The following RBBP8 variants were observed in gnomAD, a reference collection of about 807,000 sequenced individuals.
RBBP8 encodes the protein DNA endonuclease RBBP8.
Under a neutral mutation model 108.3 loss-of-function variants are expected in RBBP8, and 88 were observed. The observed-to-expected ratio is 0.81, with a 90% CI of 0.68 to 0.97. RBBP8 has a LOEUF of 0.97. RBBP8 is among the 50% of genes least tolerant of loss of function. RBBP8 has a pLI of 0.00. For synonymous variants in RBBP8, 332 were observed against 348.2 expected (o/e 0.95, Z 0.52); for missense variants, 1,023 against 1,049.0 (o/e 0.98, Z 0.34).
At chr18:22,995,938 T>C (rs979452793) in intron 12 of RBBP8, among the ~76,000 whole-genome samples, 1 of 152,234 alleles carries the variant, frequency 6.6e-6, no homozygotes, top group Non-Finnish European at 1.5e-5. Flanking sequence ...ATGCCAATTC[T>C]ACATTTTACC....
chr18:22,917,993 G>A (rs1334327382), intron 3 of RBBP8, among the ~76,000 whole-genome samples: 6 of 82,214 alleles, frequency 7.3e-5, no homozygotes, highest in Admixed American at 4.1e-4. Context: ...GCAAGACTCC[G>A]TCTCAAAAAA....
chr18:23,022,651 T>TAAAATAAAATA (rs370599195), intron 18 of RBBP8, among the ~76,000 whole-genome samples: 6 of 84,348 alleles, frequency 7.1e-5, no homozygotes, highest in African/African-American at 3.5e-4. Context: ...TAAAATACAA[T>TAAAATAAAATA]ATAAAATAAA....
chr18:23,017,010 C>A, intron 17 of RBBP8, 86 bp downstream of exon 17: 1 of 1,026,964 alleles, frequency 9.7e-7, no homozygotes, highest in South Asian at 1.3e-5. Context: ...GTATACAAAC[C>A]ATATTGGTTA....
intron 17 of RBBP8, among the ~76,000 whole-genome samples, chr18:23,017,668 T>C (rs2046283377): frequency 6.7e-6 from 1 of 149,904 alleles, no homozygotes; most frequent in African/African-American, 2.5e-5. Context: ...AAAAAAAAAT[T>C]ATTTTTACCA....
chr18:22,988,749 G>T (rs1454799791), intron 8 of RBBP8, among the ~76,000 whole-genome samples: 2 of 152,072 alleles, frequency 1.3e-5, no homozygotes, highest in Non-Finnish European at 2.9e-5. Context: ...ATAAATATTT[G>T]AGTTAACCTT....
intron 3 of RBBP8, among the ~76,000 whole-genome samples, chr18:22,948,369 T>TTTTA (rs951786918): frequency 1.8e-3 from 267 of 151,848 alleles, no homozygotes; most frequent in African/African-American, 4.2e-3. Context: ...GTAGGAAATA[T>TTTTA]TTTATTTATT....
intron 1 of RBBP8, among the ~76,000 whole-genome samples, chr18:22,936,536 A>G (rs1910596487): frequency 6.6e-6 from 1 of 152,204 alleles, no homozygotes; most frequent in East Asian, 1.9e-4. Context: ...AATTTGCCTG[A>G]AAATTTACCT....
chr18:23,003,771 G>T (rs1370577224), intron 15 of RBBP8, among the ~76,000 whole-genome samples: 1 of 152,154 alleles, frequency 6.6e-6, no homozygotes, highest in Non-Finnish European at 1.5e-5. Flanking sequence ...ATGTAAATTA[G>T]TATAGCCATT....
At chr18:22,956,535 G>GCGTT (rs1466584660) in intron 4 of RBBP8, among the ~76,000 whole-genome samples, 1 of 152,068 alleles carries the variant, frequency 6.6e-6, no homozygotes, top group Non-Finnish European at 1.5e-5. Context: ...CTGTCTTGCT[G>GCGTT]CGTTGATCAT....
intron 8 of RBBP8, among the ~76,000 whole-genome samples, chr18:22,988,720 G>A (rs1318734646): frequency 1.3e-5 from 2 of 152,012 alleles, no homozygotes; most frequent in African/African-American, 2.4e-5. Flanking sequence ...CACAATACCT[G>A]GAACATAATA....
chr18:22,940,827 A>G (rs926751060), intron 2 of RBBP8, among the ~76,000 whole-genome samples: 6 of 151,724 alleles, frequency 4.0e-5, no homozygotes, highest in Admixed American at 3.3e-4. Flanking sequence ...ATTTTTTTAT[A>G]GAGACAGGGA....
At chr18:22,978,040 G>A (rs981419840) in intron 6 of RBBP8, among the ~76,000 whole-genome samples, 1 of 152,180 alleles carries the variant, frequency 6.6e-6, no homozygotes, top group African/African-American at 2.4e-5. Flanking sequence ...AGCCTGATCA[G>A]TGGAGCAGTA....
At chr18:23,024,040 A>ATTTTT (rs35157427) in intron 18 of RBBP8, among the ~76,000 whole-genome samples, 2 of 102,924 alleles carry the variant, frequency 1.9e-5, no homozygotes, top group Admixed American at 1.2e-4. Flanking sequence ...TACCCAGCCT[A>ATTTTT]TTTTTTTTTT....
intron 17 of RBBP8, among the ~76,000 whole-genome samples, chr18:23,018,504 C>A (rs1418226487): frequency 2.6e-5 from 4 of 152,162 alleles, no homozygotes; most frequent in Admixed American, 1.3e-4. Context: ...ACTGTGGATA[C>A]CAAAATCACG....
intron 18 of RBBP8, among the ~76,000 whole-genome samples, chr18:23,025,523 C>T (rs908270466): frequency 1.3e-5 from 2 of 152,170 alleles, no homozygotes; most frequent in African/African-American, 4.8e-5. Flanking sequence ...CTGGATAGAG[C>T]CTGTGATTGC....
intron 1 of RBBP8, among the ~76,000 whole-genome samples, chr18:22,935,826 C>G (rs1910528338): frequency 6.6e-6 from 1 of 152,164 alleles, no homozygotes; most frequent in Admixed American, 6.5e-5. Context: ...AATGATTCAC[C>G]TTTATTCTAA....
intron 16 of RBBP8, among the ~76,000 whole-genome samples, chr18:23,009,096 A>C (rs2046111394): frequency 1.3e-5 from 2 of 152,122 alleles, no homozygotes; most frequent in Admixed American, 1.3e-4. Context: ...TTTTTAAGGT[A>C]AACTATACTT....
chr18:23,003,109 T>TC lies in RBBP8; in HGVS notation c.2287+1384dup, dbSNP rs537558304. Among the ~76,000 whole-genome samples, 43 of 152,302 alleles carry TC rather than the reference T, an allele frequency of 2.8e-4. 1 individual carries two copies. In the South Asian group the frequency reaches 8.1e-3, roughly 29 times the overall value. Reference sequence around the variant, plus strand: ...TTGTCACAGCTTGTTTCCTAGAATATCCCCAAGACTCTTTCTTCCTCACAA... The same window carrying TC: ...TTGTCACAGCTTGTTTCCTAGAATATCCCCCAAGACTCTTTCTTCCTCACAA... On this transcript the variant is annotated intron_variant, in intron 15 of 18. Coordinates refer to ENST00000327155, the MANE Select transcript of RBBP8 (RefSeq NM_002894.3).
chr18:22,954,465 A>G (rs979144262), intron 4 of RBBP8, among the ~76,000 whole-genome samples: 6 of 152,234 alleles, frequency 3.9e-5, no homozygotes, highest in Non-Finnish European at 8.8e-5. Flanking sequence ...TCCATGTCTC[A>G]CATCCAGGTC....
Sources: allele counts gnomAD v4.1 joint callset (sites outside exome capture counted in the v4.1 genomes callset), GRCh38; gene constraint gnomAD v4.1.1; transcripts MANE v1.5; gene names NCBI Gene and HGNC (gene_info 2026-07-23, HGNC 2026-07-21).